UQCRFS1: variants seen among roughly 807,000 people sequenced by gnomAD.
The protein encoded by UQCRFS1 is ubiquinol-cytochrome c reductase, Rieske iron-sulfur polypeptide 1, also known as cytochrome b-c1 complex subunit Rieske, mitochondrial.
In UQCRFS1, 6 loss-of-function variants were observed where a neutral mutation model predicts 15.6. The ratio of observed to expected loss-of-function variants is 0.38; its 90% CI spans 0.21 to 0.76. The LOEUF (loss-of-function observed/expected upper bound fraction) is 0.76, where lower values mean the gene tolerates loss of function less well. Among genes scored for constraint, UQCRFS1 ranks in the 30% least tolerant of loss-of-function variants. The pLI, the probability that UQCRFS1 is intolerant of heterozygous loss-of-function variation, is 0.44. For synonymous variants in UQCRFS1, 105 were observed against 154.3 expected, an observed-to-expected ratio of 0.68 and a Z score of 2.37; for missense variants, 203 against 366.7, an observed-to-expected ratio of 0.55 and a Z score of 3.65.
intron 1 of UQCRFS1, among the ~76,000 whole-genome samples, chr19:29,211,183 G>GA (rs11419465): frequency 0.93 from 139,763 of 150,464 alleles, 64,929 homozygotes; most frequent in East Asian, 1. Flanking sequence ...AAATTTACAA[G>GA]AAAAAAACAA....
chr19:29,211,265 A>C (rs1481256026), intron 1 of UQCRFS1, among the ~76,000 whole-genome samples: 1 of 152,098 alleles, frequency 6.6e-6, no homozygotes, highest in Non-Finnish European at 1.5e-5. Flanking sequence ...TGCAGCCAAA[A>C]AACACATGAA....
chr19:29,211,572 C>T (rs577724068), intron 1 of UQCRFS1, among the ~76,000 whole-genome samples: 2 of 152,242 alleles, frequency 1.3e-5, no homozygotes, highest in Non-Finnish European at 2.9e-5. Context: ...ATTACCTTCT[C>T]TATGCCCTTA....
rs529498850 is a variant in UQCRFS1, at chr19:29,208,631, C to A, written c.215-473G>T. 6.6e-5 allele frequency among the ~76,000 whole-genome samples: 10 copies of A among 152,250 alleles called. No homozygotes were observed. The South Asian group carries it at 2.1e-3, about 32-fold the overall frequency. On this transcript the variant is annotated intron_variant, in intron 1 of 1. Coordinates refer to ENST00000304863, the MANE Select transcript of UQCRFS1 (RefSeq NM_006003.3). ...CACACAGTAAGTTGACGTGTGATCA[C>A]CTTATTAAGGCAAATGTCTGCCCCT...
intron 1 of UQCRFS1, among the ~76,000 whole-genome samples, chr19:29,211,919 A>T (rs1272664472): frequency 6.6e-6 from 1 of 152,162 alleles, no homozygotes; most frequent in Non-Finnish European, 1.5e-5. Flanking sequence ...ACTGGAGAAG[A>T]CCACTTGCTC....
chr19:29,212,091 TTCTC>T (rs1003617634), intron 1 of UQCRFS1, among the ~76,000 whole-genome samples: 11 of 152,172 alleles, frequency 7.2e-5, no homozygotes, highest in African/African-American at 2.4e-4. Flanking sequence ...AGGCTGCCAT[TTCTC>T]TATCTCCGAT....
rs924154805 is a variant in UQCRFS1 at position 29,206,201 on chromosome 19, C to CTG, written c.*1345_*1346dup. The CTG allele has an allele frequency of 1.5e-5, 2 of 137,698 alleles. No homozygotes were observed. The highest frequency in any genetic ancestry group is 3.3e-5 in the Non-Finnish European group (2 of 60,776). The allele number at this position is 137,698 out of a possible 1,614,324, so 8.5% of individuals were successfully genotyped here. A position where few individuals can be genotyped will look rare whatever the true frequency, so the allele number is the denominator to read the frequency against. On this transcript the variant is annotated 3_prime_UTR_variant, in exon 2 of 2. Transcript: ENST00000304863. ...TAGAGACACAGAATATAAAATACTTCTGTGTCCCACCAATTATCACACATG... is the reference window on the plus strand; with the variant it reads ...TAGAGACACAGAATATAAAATACTTCTGTGTGTCCCACCAATTATCACACATG...
intron 1 of UQCRFS1, among the ~76,000 whole-genome samples, chr19:29,211,414 C>A (rs968383595): frequency 1.3e-5 from 2 of 152,184 alleles, no homozygotes; most frequent in African/African-American, 4.8e-5. Flanking sequence ...ACCTCCAGGT[C>A]CCAAGGATGG....
chr19:29,212,011 C>A (rs1465492484), intron 1 of UQCRFS1, among the ~76,000 whole-genome samples: 2 of 152,332 alleles, frequency 1.3e-5, no homozygotes, highest in Non-Finnish European at 2.9e-5. Context: ...CGGCTTCCAG[C>A]ATTTTAAGAG....
chr19:29,211,343 C>T (rs887195522), intron 1 of UQCRFS1, among the ~76,000 whole-genome samples: 10 of 152,230 alleles, frequency 6.6e-5, no homozygotes, highest in Non-Finnish European at 1.2e-4. Flanking sequence ...ACTTTAGCAA[C>T]ACGACGAATT....
chr19:29,211,684 T>C (rs899996776), intron 1 of UQCRFS1, among the ~76,000 whole-genome samples: 17 of 152,134 alleles, frequency 1.1e-4, no homozygotes, highest in African/African-American at 3.6e-4. Flanking sequence ...ATTCACCTGA[T>C]CCTTAACTGA....
rs1599709898 is a variant in UQCRFS1 at position 29,207,057 on chromosome 19, T to C, written c.*491A>G. 6.4e-6 allele frequency: 1 copy of C among 156,524 alleles called. No individual in the cohort carries two copies. Among genetic ancestry groups the C allele is most frequent in the South Asian group, 1.9e-4 (1 of 5,138 alleles). The allele number at this position is 156,524 out of a possible 1,614,324, so 9.7% of individuals were successfully genotyped here. The stretch of plus-strand genomic sequence containing the variant: ...TGAGATTATCACACGGCTTACACAG[T>C]AGGGAGGAAATGCATAGCCAGGACT... On this transcript the variant is annotated 3_prime_UTR_variant, in exon 2 of 2. Coordinates refer to ENST00000304863, the MANE Select transcript of UQCRFS1 (RefSeq NM_006003.3).
intron 1 of UQCRFS1, among the ~76,000 whole-genome samples, chr19:29,210,840 A>T (rs913854275): frequency 6.6e-6 from 1 of 152,128 alleles, no homozygotes; most frequent in African/African-American, 2.4e-5. Context: ...GTGTCTTTAT[A>T]GCAGCATGAT....
intron 1 of UQCRFS1, among the ~76,000 whole-genome samples, chr19:29,210,345 AAGTC>A (rs1313858068): frequency 7.9e-6 from 1 of 126,916 alleles, no homozygotes; most frequent in African/African-American, 3.0e-5. Context: ...TAGTTTCTCT[AAGTC>A]AGGTAAACCT....
At position 29,213,038 on chromosome 19, in the gene UQCRFS1, C is replaced by A. The variant is rs1246365885; in HGVS notation, c.81G>T (p.Arg27=). Residue 27 remains arginine (R), a synonymous_variant, in exon 1 of 2, where the codon CGG becomes CGT. Coordinates refer to ENST00000304863, the MANE Select transcript of UQCRFS1 (RefSeq NM_006003.3). ...CGGGCACCGTGGCCTGCACCAAGGG[C>A]CGCAGCGCGCCCGCCACCCCGCGGG... ...ATSRGVAGAL[R]PLVQATVPAT... is the part of the protein sequence containing the mutation. The A allele has an allele frequency of 7.0e-7, 1 of 1,437,506 alleles. No homozygotes were observed. Among genetic ancestry groups the A allele is most frequent in the Admixed American group, 2.9e-5 (1 of 33,998 alleles). The allele number at this position is 1,437,506 out of a possible 1,614,324, so 89.0% of individuals were successfully genotyped here.
chr19:29,206,496 T>G lies in UQCRFS1; in HGVS notation c.*1052A>C, dbSNP rs976286012. The G allele has an allele frequency of 1.3e-5, 2 of 152,160 alleles. No individual in the cohort carries two copies. The highest frequency in any genetic ancestry group is 4.8e-5 in the African/African-American group (2 of 41,410). The allele number at this position is 152,160 out of a possible 1,614,324, so 9.4% of individuals were successfully genotyped here. A position where few individuals can be genotyped will look rare whatever the true frequency, so the allele number is the denominator to read the frequency against. The stretch of plus-strand genomic sequence containing the variant: ...CAAACACATCAAAAAGTGACTGTGA[T>G]TCTCAAAGGACAAAGCCCACTCCCA... On this transcript the variant is annotated 3_prime_UTR_variant, in exon 2 of 2. Coordinates refer to ENST00000304863, the MANE Select transcript of UQCRFS1 (RefSeq NM_006003.3).
intron 1 of UQCRFS1, among the ~76,000 whole-genome samples, chr19:29,212,206 C>T (rs909106323): frequency 2.6e-5 from 4 of 152,168 alleles, no homozygotes; most frequent in African/African-American, 9.7e-5. Context: ...GTGGCTACGA[C>T]AATTCGTCTT....
chr19:29,211,363 CTTTTCT>C (rs1976645191), intron 1 of UQCRFS1, among the ~76,000 whole-genome samples: 1 of 152,176 alleles, frequency 6.6e-6, no homozygotes, highest in African/African-American at 2.4e-5. Flanking sequence ...TCCAAAGATG[CTTTTCT>C]TTTGCTATTG....
At chr19:29,211,157 T>C (rs1976641899) in intron 1 of UQCRFS1, among the ~76,000 whole-genome samples, 1 of 144,752 alleles carries the variant, frequency 6.9e-6, no homozygotes, top group Non-Finnish European at 1.5e-5. Context: ...ATCCAGAATC[T>C]ACAATGAACT....
chr19:29,211,363 C>G (rs1379790378), intron 1 of UQCRFS1, among the ~76,000 whole-genome samples: 1 of 152,176 alleles, frequency 6.6e-6, no homozygotes, highest in Admixed American at 6.5e-5. Context: ...TCCAAAGATG[C>G]TTTTCTTTTG....
Sources: gnomAD v4.1 joint callset for allele counts (sites outside exome capture counted in the v4.1 genomes callset) on GRCh38, gnomAD v4.1.1 for gene constraint, MANE v1.5 for transcripts, NCBI Gene and HGNC (gene_info 2026-07-23, HGNC 2026-07-21) for gene names.